CCDC97: variants seen among roughly 807,000 people sequenced by gnomAD.
The protein encoded by CCDC97 is coiled-coil domain containing 97.
A neutral mutation model predicts 33.9 loss-of-function variants in CCDC97; 27 were observed. The observed-to-expected ratio is 0.80, with a 90% CI of 0.59 to 1.10. The LOEUF is 1.10. Among genes scored for constraint, CCDC97 ranks in the 50% least tolerant of loss-of-function variants. The probability of loss-of-function intolerance (pLI) is 0.00; values close to 1 mark genes in which losing one functional copy is unlikely to be tolerated. For missense variants in CCDC97, 422 were observed against 476.6 expected (o/e 0.89, Z 1.07); for synonymous variants, 217 against 194.0 (o/e 1.12, Z -0.99).
intron 4 of CCDC97, chr19:41,320,707 CAT>C (rs1185266874): frequency 2.0e-6 from 1 of 498,478 alleles, no homozygotes; most frequent in Admixed American, 3.3e-5. Flanking sequence ...ACAGGGATGA[CAT>C]ATAGCTCAGT....
intron 2 of CCDC97, 104 bp from the exon 3 acceptor site, chr19:41,319,470 C>A: frequency 1.2e-6 from 1 of 833,294 alleles, no homozygotes; most frequent in Admixed American, 2.4e-5. Context: ...CACACTTGGA[C>A]TGTGTATGCA....
Position 41,310,334 on chromosome 19 carries a change from G to C in CCDC97, c.24G>C (p.Thr8=). The C allele has an allele frequency of 6.2e-7, 1 of 1,606,636 alleles. No homozygotes were observed. Among genetic ancestry groups the C allele is most frequent in the Non-Finnish European group, 8.5e-7 (1 of 1,176,936 alleles). MEAVATA[T]AAKEPDKGCI... ...GGATGGAGGCCGTGGCGACGGCGAC[G>C]GCGGCGAAGGAACCCGATAAGGGTG... The change falls in exon 1 of 5, where the codon ACG becomes ACC. Residue 8 remains threonine, a synonymous_variant. Transcript: ENST00000269967.
At position 41,316,379 on chromosome 19, in the gene CCDC97, C is replaced by T. The variant is rs373559695; in HGVS notation, c.47-5C>T. 2.4e-5 allele frequency: 39 copies of T among 1,604,234 alleles called. No homozygotes were observed. Among genetic ancestry groups the T allele is most frequent in the Non-Finnish European group, 3.2e-5 (37 of 1,172,044 alleles). On this transcript the variant is annotated splice_region_variant and splice_polypyrimidine_tract_variant and intron_variant, in intron 1 of 4. Transcript: ENST00000269967. ...TCTGAACTAACCAATCTCTCCTTTC[C>T]TCAGGCTGCATAGAGCCTGGACCTG...
intron 1 of CCDC97, among the ~76,000 whole-genome samples, chr19:41,311,367 C>T (rs900059273): frequency 1.3e-5 from 2 of 152,046 alleles, no homozygotes; most frequent in African/African-American, 4.8e-5. Flanking sequence ...GCCTCTGCAG[C>T]AGAGTGAGAC....
rs772435520 is a variant in CCDC97, at chr19:41,322,597, C to T, written c.914C>T (p.Thr305Ile). The T allele has an allele frequency of 3.7e-6, 6 of 1,613,248 alleles. No homozygotes were observed. Among genetic ancestry groups the T allele is most frequent in the Admixed American group, 1.7e-5 (1 of 59,966 alleles). ...DGKDGDFDYS[T>I]VDDNPDFDNL... ...TTGACAGCCTCCTCCTCCTGCAGCA[C>T]AGTAGACGACAACCCCGACTTCGAC... The change falls in exon 5 of 5, where the codon ACA becomes ATA. Residue 305 changes from threonine (T) to isoleucine (I), a missense_variant and splice_region_variant. Thr to Ile is a moderately conservative substitution (Grantham distance 89, BLOSUM62 -1). Coordinates refer to ENST00000269967, the MANE Select transcript of CCDC97 (RefSeq NM_052848.3).
At chr19:41,314,141 T>C (rs975838245) in intron 1 of CCDC97, among the ~76,000 whole-genome samples, 4 of 151,978 alleles carry the variant, frequency 2.6e-5, no homozygotes, top group Non-Finnish European at 5.9e-5. Context: ...CTCAGAGATT[T>C]AGTGTTTTTT....
intron 4 of CCDC97, 37 bp from the exon 5 acceptor site, chr19:41,322,557 AG>A: frequency 6.2e-7 from 1 of 1,603,482 alleles, no homozygotes; most frequent in Non-Finnish European, 8.5e-7. Flanking sequence ...CGAGGGTCCC[AG>A]GGAGACCCAG....
chr19:41,317,236 A>G (rs1001442107), intron 2 of CCDC97, among the ~76,000 whole-genome samples: 5 of 152,208 alleles, frequency 3.3e-5, no homozygotes, highest in Non-Finnish European at 5.9e-5. Context: ...CCTTGGGGAC[A>G]CAGAAGCCTT....
intron 4 of CCDC97, chr19:41,320,702 G>C: frequency 1.9e-6 from 1 of 516,732 alleles, no homozygotes; most frequent in Admixed American, 3.2e-5. Flanking sequence ...GATGGACAGG[G>C]ATGACATATA....
intron 1 of CCDC97, 35 bp downstream of exon 1, chr19:41,310,391 T>G (rs1486043386): frequency 3.2e-6 from 5 of 1,585,200 alleles, no homozygotes; most frequent in Non-Finnish European, 4.3e-6. Context: ...GGCGGGTGGG[T>G]GCGGTTGCGG....
rs1436535078 is a variant in CCDC97, at chr19:41,322,830, C to CA, written c.*116dup. 2.5e-6 allele frequency: 3 copies of CA among 1,177,620 alleles called. No homozygotes were observed. Among genetic ancestry groups the CA allele is most frequent in the Admixed American group, 4.4e-5 (2 of 44,968 alleles). 72.9% of individuals were successfully genotyped at this position (1,177,620 alleles called of 1,614,324 possible). A position where few individuals can be genotyped will look rare whatever the true frequency, so the allele number is the denominator to read the frequency against. On this transcript the variant is annotated 3_prime_UTR_variant, in exon 5 of 5. Coordinates refer to ENST00000269967, the MANE Select transcript of CCDC97 (RefSeq NM_052848.3). ...GACATCAGGGCAGTGCCCCACAACC[C>CA]ACACACACCACCATCTCACTGGGTC...
At chr19:41,316,022 C>T (rs572922669) in intron 1 of CCDC97, among the ~76,000 whole-genome samples, 56 of 151,322 alleles carry the variant, frequency 3.7e-4, no homozygotes, top group African/African-American at 1.3e-3. Flanking sequence ...CAAGCCCAGG[C>T]GGTCAAGGCT....
chr19:41,316,472 G>A lies in CCDC97; in HGVS notation c.135G>A (p.Glu45=). 1 of 1,614,222 alleles carries A rather than the reference G, an allele frequency of 6.2e-7. No individual in the cohort carries two copies. Among genetic ancestry groups the A allele is most frequent in the Non-Finnish European group, 8.5e-7 (1 of 1,180,044 alleles). ...SKPQDKVEAA[E]ATPVALDSDT... is the part of the protein sequence containing the mutation. ...CCCAGGACAAAGTGGAAGCAGCTGA[G>A]GCAACACCAGTGGCCCTGGACAGTG... Residue 45 remains glutamate, a synonymous_variant, in exon 2 of 5, where the codon GAG becomes GAA. Transcript: ENST00000269967.
chr19:41,319,464 C>G lies in CCDC97; in HGVS notation c.503-110C>G, dbSNP rs10407138. 7,657 of 822,472 alleles carry G rather than the reference C, an allele frequency of 9.3e-3. 407 individuals carry two copies. The African/African-American group carries it at 0.12, about 12-fold the overall frequency. 50.9% of individuals were successfully genotyped at this position (822,472 alleles called of 1,614,324 possible). A position where few individuals can be genotyped will look rare whatever the true frequency, so the allele number is the denominator to read the frequency against. ...GTTTTTGAATGTGTGCATACACACA[C>G]TTGGACTGTGTATGCACATCATCCC... On this transcript the variant is annotated intron_variant, in intron 2 of 4. Coordinates refer to ENST00000269967, the MANE Select transcript of CCDC97 (RefSeq NM_052848.3).
Position 41,319,593 on chromosome 19 carries a change from T to C in CCDC97, c.522T>C (p.Asp174=). ...ELIQGGEYFS[D]EQMRFRAPLL... is the part of the protein sequence containing the mutation. ...GTGCAGGGGGCGAGTACTTCAGTGA[T>C]GAGCAGATGCGGTTCCGGGCCCCCC... is the stretch of plus-strand genomic sequence containing the variant. The change falls in exon 3 of 5, where the codon GAT becomes GAC. Residue 174 remains aspartate (D), a synonymous_variant. Transcript: ENST00000269967. 1.2e-6 allele frequency: 2 copies of C among 1,607,810 alleles called. No individual in the cohort carries two copies.
intron 1 of CCDC97, 98 bp from the exon 2 acceptor site, chr19:41,316,286 T>C (rs766087523): frequency 3.1e-5 from 28 of 916,046 alleles, no homozygotes; most frequent in African/African-American, 5.0e-5. Context: ...GCCCAGAATA[T>C]AGTCAGTGCC....
At chr19:41,314,685 C>A (rs1316213567) in intron 1 of CCDC97, among the ~76,000 whole-genome samples, 1 of 152,170 alleles carries the variant, frequency 6.6e-6, no homozygotes, top group Non-Finnish European at 1.5e-5. Flanking sequence ...TTGGCAAAGC[C>A]TTCTCTGAGC....
At chr19:41,318,542 C>T (rs1190085685) in intron 2 of CCDC97, among the ~76,000 whole-genome samples, 1 of 152,176 alleles carries the variant, frequency 6.6e-6, no homozygotes, top group Non-Finnish European at 1.5e-5. Context: ...AGGACAGGGA[C>T]AGTCACAGCC....
At chr19:41,317,630 T>G (rs1033988641) in intron 2 of CCDC97, among the ~76,000 whole-genome samples, 4 of 150,886 alleles carry the variant, frequency 2.7e-5, no homozygotes, top group African/African-American at 9.8e-5. Context: ...GAGAATTGCT[T>G]GAGCCTGGGA....
Sources: gnomAD v4.1 joint callset for allele counts (sites outside exome capture counted in the v4.1 genomes callset) on GRCh38, gnomAD v4.1.1 for gene constraint, MANE v1.5 for transcripts, NCBI Gene and HGNC (gene_info 2026-07-23, HGNC 2026-07-21) for gene names.